Variants in SHROOM3 observed in about 807,000 individuals in gnomAD.
The protein encoded by SHROOM3 is protein Shroom3.
A neutral mutation model predicts 138.6 loss-of-function variants in SHROOM3; 47 were observed. The observed-to-expected ratio is 0.34, with a 90% CI of 0.27 to 0.43. SHROOM3 has a LOEUF of 0.43. SHROOM3 is among the 20% of genes least tolerant of loss of function. SHROOM3 has a pLI of 1.00. For synonymous variants in SHROOM3, 1,062 were observed against 1,063.3 expected (o/e 1.00, Z 0.02); for missense variants, 2,491 against 2,596.5 (o/e 0.96, Z 0.88).
At chr4:76,772,165 G>A (rs1050902601) in intron 10 of SHROOM3, among the ~76,000 whole-genome samples, 3 of 146,662 alleles carry the variant, frequency 2.0e-5, no homozygotes, top group African/African-American at 5.1e-5. Flanking sequence ...GTGCAGTGGC[G>A]CAATCTAAGC....
intron 1 of SHROOM3, among the ~76,000 whole-genome samples, chr4:76,464,838 G>A (rs915786957): frequency 2.6e-5 from 4 of 152,118 alleles, no homozygotes; most frequent in African/African-American, 9.7e-5. Flanking sequence ...CTTTTGCCAT[G>A]ATTGTAAGTT....
At chr4:76,764,744 C>T (rs1722092923) in intron 9 of SHROOM3, among the ~76,000 whole-genome samples, 1 of 152,170 alleles carries the variant, frequency 6.6e-6, no homozygotes, top group African/African-American at 2.4e-5. Context: ...CTCCTGTATG[C>T]AATGTGTTGT....
chr4:76,533,885 G>A (rs1463358741), intron 1 of SHROOM3, among the ~76,000 whole-genome samples: 1 of 152,212 alleles, frequency 6.6e-6, no homozygotes, highest in Non-Finnish European at 1.5e-5. Flanking sequence ...GTCTCGAGTA[G>A]TGTCTGAGAA....
chr4:76,741,065 C>T lies in SHROOM3; in HGVS notation c.2892C>T (p.Ala964=). The T allele has an allele frequency of 6.6e-7, 1 of 1,517,226 alleles. No individual in the cohort carries two copies. The allele number at this position is 1,517,226 out of a possible 1,614,324, so 94.0% of individuals were successfully genotyped here. Reference sequence around the variant, plus strand: ...CCTGGCGGCCACGGCCTTCCTCGGCCCACGTGGGGCTGCGGAGCCCCGAGG... The same window carrying T: ...CCTGGCGGCCACGGCCTTCCTCGGCTCACGTGGGGCTGCGGAGCCCCGAGG... The part of the protein sequence containing the change: ...SRSWRPRPSS[A]HVGLRSPEAS... Residue 964 remains alanine, a synonymous_variant, in exon 5 of 11, where the codon GCC becomes GCT. Coordinates refer to ENST00000296043, the MANE Select transcript of SHROOM3 (RefSeq NM_020859.4). The surrounding 1 kb of genome is among the most constrained non-coding windows in gnomAD (Gnocchi z 6.2).
chr4:76,682,970 C>T (rs1001356419), intron 2 of SHROOM3, among the ~76,000 whole-genome samples: 1 of 152,202 alleles, frequency 6.6e-6, no homozygotes, highest in Admixed American at 6.5e-5. Context: ...CTTTTCTAGA[C>T]AGTACCATCC....
intron 2 of SHROOM3, among the ~76,000 whole-genome samples, chr4:76,694,324 C>T (rs1194767477): frequency 6.6e-6 from 1 of 151,756 alleles, no homozygotes; most frequent in Non-Finnish European, 1.5e-5. Flanking sequence ...TGGAATTTTT[C>T]TCAGAGCAGA....
intron 2 of SHROOM3, among the ~76,000 whole-genome samples, chr4:76,566,757 A>C (rs1016304436): frequency 6.6e-6 from 1 of 152,216 alleles, no homozygotes; most frequent in Non-Finnish European, 1.5e-5. Context: ...ATCTGACTTG[A>C]GATGAACTGT....
At chr4:76,771,048 C>CA in intron 10 of SHROOM3, 150 bp downstream of exon 10, 1 of 1,041,650 alleles carries the variant, frequency 9.6e-7, no homozygotes, top group Non-Finnish European at 1.5e-6. Context: ...AACCAAGAAA[C>CA]AGAGAAGGCA....
chr4:76,717,834 TATTG>T (rs1720420217), intron 3 of SHROOM3, among the ~76,000 whole-genome samples: 7 of 152,234 alleles, frequency 4.6e-5, no homozygotes, highest in Admixed American at 3.9e-4. Flanking sequence ...TGAAAAGAAG[TATTG>T]ATTGAGATTG....
chr4:76,557,402 G>A (rs1733509130), intron 2 of SHROOM3, among the ~76,000 whole-genome samples: 1 of 152,114 alleles, frequency 6.6e-6, no homozygotes, highest in Non-Finnish European at 1.5e-5. Flanking sequence ...TATACATGGT[G>A]TATAAAAAAG....
chr4:76,463,772 C>T (rs901030106), intron 1 of SHROOM3, among the ~76,000 whole-genome samples: 1 of 152,212 alleles, frequency 6.6e-6, no homozygotes, highest in African/African-American at 2.4e-5. Flanking sequence ...GGGTACAGCT[C>T]AGGCCATTAT....
At position 76,519,194 on chromosome 4, in the gene SHROOM3, G is replaced by A. The variant is rs544698212; in HGVS notation, c.169-36415G>A. ...AACCTTAGAATCACTGACTGTAGAC[G>A]GGAGGGCTATTCCCTTAAAGGAGGG... On this transcript the variant is annotated intron_variant, in intron 1 of 10. Transcript: ENST00000296043. Among the ~76,000 whole-genome samples, 7 of 152,242 alleles carry A rather than the reference G, an allele frequency of 4.6e-5. No homozygotes were observed. The South Asian group carries it at 1.0e-3, about 23-fold the overall frequency.
At chr4:76,444,280 A>ATATATATG (rs776457115) in intron 1 of SHROOM3, among the ~76,000 whole-genome samples, 379 of 150,626 alleles carry the variant, frequency 2.5e-3, no homozygotes, top group African/African-American at 8.7e-3. Flanking sequence ...TTTCTATGTT[A>ATATATATG]TATATATGTA....
intron 2 of SHROOM3, among the ~76,000 whole-genome samples, chr4:76,707,137 AT>A (rs1720079247): frequency 6.6e-6 from 1 of 152,194 alleles, no homozygotes; most frequent in Non-Finnish European, 1.5e-5. Context: ...TTAAGTAAAA[AT>A]GGGCTTATTT....
At chr4:76,598,564 C>A (rs1166571779) in intron 2 of SHROOM3, among the ~76,000 whole-genome samples, 1 of 152,098 alleles carries the variant, frequency 6.6e-6, no homozygotes, top group Non-Finnish European at 1.5e-5. Flanking sequence ...CACTTGTGAC[C>A]TGCTAAAAGT....
At chr4:76,447,301 A>G (rs528420084) in intron 1 of SHROOM3, among the ~76,000 whole-genome samples, 1 of 152,332 alleles carries the variant, frequency 6.6e-6, no homozygotes, top group African/African-American at 2.4e-5. Flanking sequence ...CATTTGCTAG[A>G]AGGTAAGAAG....
At chr4:76,773,238 G>C (rs1451105852) in intron 10 of SHROOM3, among the ~76,000 whole-genome samples, 1 of 151,980 alleles carries the variant, frequency 6.6e-6, no homozygotes, top group African/African-American at 2.4e-5. Context: ...AACCAGGTGT[G>C]TGGCGGGTGC....
intron 5 of SHROOM3, among the ~76,000 whole-genome samples, chr4:76,748,575 G>A (rs10022778): frequency 0.6 from 91,709 of 152,066 alleles, 27,924 homozygotes; most frequent in African/African-American, 0.69. Context: ...ATTGTAACTA[G>A]GAACATTTGA....
intron 2 of SHROOM3, 65 bp downstream of exon 2, chr4:76,555,828 C>T (rs1207843771): frequency 1.3e-6 from 2 of 1,566,328 alleles, no homozygotes; most frequent in African/African-American, 1.4e-5. Flanking sequence ...CTACCCTACC[C>T]CACCTCTGGG....
Sources: gnomAD v4.1 joint callset for allele counts (sites outside exome capture counted in the v4.1 genomes callset) on GRCh38, gnomAD v4.1.1 for gene constraint, Gnocchi (gnomAD v3.1) non-coding constraint, MANE v1.5 for transcripts, NCBI Gene and HGNC (gene_info 2026-07-23, HGNC 2026-07-21) for gene names.